Variants in USP24 observed in about 807,000 individuals in gnomAD.
USP24 encodes ubiquitin carboxyl-terminal hydrolase 24.
A neutral mutation model predicts 361.6 loss-of-function variants in USP24; 97 were observed. That is an observed-to-expected ratio of 0.27 (90% confidence interval 0.23 to 0.32). USP24 has a LOEUF of 0.32. Ranked by LOEUF, USP24 falls within the 10% of genes least tolerant of loss-of-function variation. The probability of loss-of-function intolerance (pLI) is 1.00; values close to 1 mark genes in which losing one functional copy is unlikely to be tolerated. For missense variants in USP24, 2,353 were observed against 3,165.6 expected, an observed-to-expected ratio of 0.74 and a Z score of 6.16; for synonymous variants, 1,098 against 1,124.6, an observed-to-expected ratio of 0.98 and a Z score of 0.47.
intron 12 of USP24, among the ~76,000 whole-genome samples, chr1:55,156,687 C>T (rs1355008103): frequency 2.0e-5 from 3 of 152,098 alleles, no homozygotes; most frequent in Non-Finnish European, 4.4e-5. Flanking sequence ...CTAGCTCTGC[C>T]ACTAACTGCT....
intron 60 of USP24, 123 bp from the exon 61 acceptor site, chr1:55,078,774 G>A (rs1281922180): frequency 1.6e-5 from 11 of 671,404 alleles, no homozygotes; most frequent in Non-Finnish European, 2.6e-5. Context: ...TGAAAACAGG[G>A]TTTCTTAACT....
chr1:55,199,481 G>A (rs967280418), intron 1 of USP24, among the ~76,000 whole-genome samples: 1 of 151,976 alleles, frequency 6.6e-6, no homozygotes, highest in African/African-American at 2.4e-5. Context: ...TAGGATAATG[G>A]TACTGCAGTT....
At chr1:55,140,550 T>C (rs1320315861) in intron 24 of USP24, among the ~76,000 whole-genome samples, 1 of 152,146 alleles carries the variant, frequency 6.6e-6, no homozygotes, top group East Asian at 1.9e-4. Flanking sequence ...ATTAACAAAG[T>C]ACAGTGACAC....
chr1:55,158,504 G>T (rs1647926690), intron 10 of USP24, among the ~76,000 whole-genome samples: 1 of 152,184 alleles, frequency 6.6e-6, no homozygotes, highest in Non-Finnish European at 1.5e-5. Flanking sequence ...CAACACTGCT[G>T]CAGTCATTTA....
chr1:55,081,749 G>A (rs1645153349), intron 58 of USP24, among the ~76,000 whole-genome samples: 1 of 152,208 alleles, frequency 6.6e-6, no homozygotes, highest in Non-Finnish European at 1.5e-5. Context: ...CGTAATGTGA[G>A]TGAGTTCTTC....
Position 55,162,195 on chromosome 1 carries a change from C to CTACCTG in USP24, c.991_993+3dup. The CTACCTG allele has an allele frequency of 6.3e-7, 1 of 1,588,958 alleles. No individual in the cohort carries two copies. Among genetic ancestry groups the CTACCTG allele is most frequent in the Non-Finnish European group, 8.5e-7 (1 of 1,169,750 alleles). ...TGAAGTAATGTGAAATGGTTTAATC[C>CTACCTG]TACCTGTACCACGGAGGAATTGAGG... On this transcript the variant is annotated splice_donor_region_variant and intron_variant, in intron 8 of 67. Transcript: ENST00000294383.
intron 52 of USP24, chr1:55,093,641 C>A (rs913402923): frequency 7.8e-6 from 2 of 257,984 alleles, no homozygotes; most frequent in African/African-American, 4.4e-5. Flanking sequence ...AACACGATTT[C>A]TTTACTGCCC....
chr1:55,190,220 C>T (rs906358980), intron 1 of USP24, among the ~76,000 whole-genome samples: 2 of 149,392 alleles, frequency 1.3e-5, no homozygotes, highest in Non-Finnish European at 3.0e-5. Flanking sequence ...ACTTGACAGG[C>T]GAAATATACC....
chr1:55,070,232 A>G (rs1644893589), intron 67 of USP24, among the ~76,000 whole-genome samples: 1 of 152,122 alleles, frequency 6.6e-6, no homozygotes, highest in South Asian at 2.1e-4. Context: ...AAGGTATGCC[A>G]AGTGGAGAAC....
chr1:55,121,030 T>C (rs1437063078), intron 37 of USP24, among the ~76,000 whole-genome samples: 1 of 152,144 alleles, frequency 6.6e-6, no homozygotes, highest in African/African-American at 2.4e-5. Context: ...AAAAAGAAAG[T>C]TTAAGTTAAT....
chr1:55,079,019 T>G (rs1471558384), intron 60 of USP24, among the ~76,000 whole-genome samples: 2 of 151,500 alleles, frequency 1.3e-5, no homozygotes, highest in Non-Finnish European at 2.9e-5. Flanking sequence ...AGAATTATAT[T>G]GTTCATAGAT....
chr1:55,179,082 T>G (rs1035263198), intron 1 of USP24, among the ~76,000 whole-genome samples: 10 of 152,172 alleles, frequency 6.6e-5, no homozygotes, highest in Admixed American at 6.5e-4. Context: ...AGAGTCCCTA[T>G]TCTCCAAAAT....
At chr1:55,176,332 C>T (rs1275324316) in intron 3 of USP24, 44 bp downstream of exon 3, 2 of 1,513,864 alleles carry the variant, frequency 1.3e-6, no homozygotes, top group Non-Finnish European at 1.8e-6. Context: ...ACCCTGCCCC[C>T]ACCCCGACAC....
At chr1:55,180,380 G>A (rs1382912080) in intron 1 of USP24, among the ~76,000 whole-genome samples, 1 of 152,156 alleles carries the variant, frequency 6.6e-6, no homozygotes, top group Non-Finnish European at 1.5e-5. Context: ...CAGGCTAAAT[G>A]CAGAGGGCCC....
At chr1:55,121,005 T>A (rs1646264066) in intron 37 of USP24, among the ~76,000 whole-genome samples, 1 of 152,184 alleles carries the variant, frequency 6.6e-6, no homozygotes, top group Admixed American at 6.5e-5. Context: ...TAACTTAATG[T>A]AAATGAAAAT....
intron 31 of USP24, among the ~76,000 whole-genome samples, chr1:55,131,494 A>G (rs1363338302): frequency 6.6e-6 from 1 of 152,152 alleles, no homozygotes; most frequent in Non-Finnish European, 1.5e-5. Context: ...ATAAATAAGG[A>G]CATACTTAAT....
At chr1:55,163,313 T>C (rs1025310512) in intron 7 of USP24, among the ~76,000 whole-genome samples, 2 of 151,856 alleles carry the variant, frequency 1.3e-5, no homozygotes, top group Non-Finnish European at 2.9e-5. Context: ...TAGCAAAAGA[T>C]ACCATCAATA....
At chr1:55,196,211 C>T (rs1317449022) in intron 1 of USP24, among the ~76,000 whole-genome samples, 6 of 152,136 alleles carry the variant, frequency 3.9e-5, no homozygotes, top group Admixed American at 2.0e-4. Context: ...CCAGCCACTC[C>T]TCAGTCTCCT....
At chr1:55,107,188 A>AT in intron 40 of USP24, 51 bp downstream of exon 40, 1 of 1,566,232 alleles carries the variant, frequency 6.4e-7, no homozygotes, top group African/African-American at 1.4e-5. Context: ...AGTACTGGCA[A>AT]TAACCGAGCA....
Sources: allele counts gnomAD v4.1 joint callset (sites outside exome capture counted in the v4.1 genomes callset), GRCh38; gene constraint gnomAD v4.1.1; transcripts MANE v1.5; gene names NCBI Gene and HGNC (gene_info 2026-07-23, HGNC 2026-07-21).